The following CCSER1 variants were observed in gnomAD, a reference collection of about 807,000 sequenced individuals.
CCSER1 encodes serine-rich coiled-coil domain-containing protein 1.
A neutral mutation model predicts 82.0 loss-of-function variants in CCSER1; 41 were observed. The observed-to-expected ratio is 0.50, with a 90% confidence interval of 0.39 to 0.65. The LOEUF is 0.65. CCSER1 is among the 30% of genes least tolerant of loss of function. The pLI is 0.00. For missense variants in CCSER1, 1,119 were observed against 1,064.2 expected, an observed-to-expected ratio of 1.05 and a Z score of -0.72; for synonymous variants, 414 against 383.9, an observed-to-expected ratio of 1.08 and a Z score of -0.92.
intron 8 of CCSER1, among the ~76,000 whole-genome samples, chr4:90,871,362 A>T (rs1316598833): frequency 6.6e-6 from 1 of 151,740 alleles, no homozygotes; most frequent in Non-Finnish European, 1.5e-5. Flanking sequence ...AGATGTTGGT[A>T]TGTTGATCCA....
At chr4:90,500,921 A>G (rs1326929093) in intron 5 of CCSER1, among the ~76,000 whole-genome samples, 1 of 152,048 alleles carries the variant, frequency 6.6e-6, no homozygotes, top group African/African-American at 2.4e-5. Flanking sequence ...AAGGAAAATA[A>G]AATAAAATTC....
At chr4:91,006,742 T>C (rs1002893200) in intron 9 of CCSER1, among the ~76,000 whole-genome samples, 6 of 152,094 alleles carry the variant, frequency 3.9e-5, no homozygotes, top group Admixed American at 1.3e-4. Flanking sequence ...CCACCCGCCT[T>C]GGCCTCCCAA....
intron 5 of CCSER1, among the ~76,000 whole-genome samples, chr4:90,560,309 G>A (rs1778618364): frequency 1.3e-5 from 2 of 151,804 alleles, no homozygotes; most frequent in African/African-American, 2.4e-5. Flanking sequence ...ATCAGATTAA[G>A]GAAATGTAGA....
chr4:91,091,664 G>T (rs1723972311), intron 10 of CCSER1, among the ~76,000 whole-genome samples: 1 of 152,186 alleles, frequency 6.6e-6, no homozygotes, highest in Non-Finnish European at 1.5e-5. Flanking sequence ...GATTGTCTAG[G>T]CTTGGTTTGG....
rs145857395 is a variant in CCSER1, at chr4:91,460,176, A to G, written c.2218-138396A>G. ...AATTTGTCTTTAATTTGCAAACAAA[A>G]AAATTTACATGTGTTCTAAATAAAC... On this transcript the variant is annotated intron_variant, in intron 10 of 10. Transcript: ENST00000509176. 5.3e-4 allele frequency among the ~76,000 whole-genome samples: 81 copies of G among 152,320 alleles called. 1 individual carries two copies. In the East Asian group the frequency reaches 0.016, roughly 29 times the overall value.
intron 8 of CCSER1, among the ~76,000 whole-genome samples, chr4:90,817,529 C>G (rs72879411): frequency 0.02 from 3,049 of 152,076 alleles, 81 homozygotes; most frequent in African/African-American, 0.063. Flanking sequence ...TTGAATTACT[C>G]AAATTGGCTA....
At chr4:91,130,875 A>G (rs892675998) in intron 10 of CCSER1, among the ~76,000 whole-genome samples, 1 of 151,778 alleles carries the variant, frequency 6.6e-6, no homozygotes, top group African/African-American at 2.4e-5. Context: ...TTAATTAAAT[A>G]TATTATTTAG....
chr4:91,256,298 G>A (rs57373593), intron 10 of CCSER1, among the ~76,000 whole-genome samples: 38,503 of 151,994 alleles, frequency 0.25, 5,011 homozygotes, highest in South Asian at 0.38. Flanking sequence ...CTCTGCTCTC[G>A]AACCCTGTTA....
At chr4:91,136,183 C>T (rs1210706435) in intron 10 of CCSER1, among the ~76,000 whole-genome samples, 2 of 152,172 alleles carry the variant, frequency 1.3e-5, no homozygotes, top group Admixed American at 1.3e-4. Context: ...ACATCAACTT[C>T]TCACAGCAGC....
At chr4:90,947,132 G>A (rs1034501788) in intron 9 of CCSER1, among the ~76,000 whole-genome samples, 1 of 152,142 alleles carries the variant, frequency 6.6e-6, no homozygotes, top group Admixed American at 6.5e-5. Context: ...CAAGTCACAT[G>A]ATCACAGGTA....
intron 5 of CCSER1, among the ~76,000 whole-genome samples, chr4:90,473,572 C>T (rs936032486): frequency 6.6e-6 from 1 of 152,150 alleles, no homozygotes; most frequent in South Asian, 2.1e-4. Flanking sequence ...GTACAAACGT[C>T]TCATTTTTAA....
chr4:90,567,609 A>AT (rs34322120), intron 5 of CCSER1, among the ~76,000 whole-genome samples: 7,570 of 123,610 alleles, frequency 0.061, 545 homozygotes, highest in African/African-American at 0.18. Context: ...TTTTTTAATG[A>AT]TTTTTTTTTT....
At chr4:91,277,900 T>G (rs1322183677) in intron 10 of CCSER1, among the ~76,000 whole-genome samples, 2 of 152,032 alleles carry the variant, frequency 1.3e-5, no homozygotes, top group East Asian at 3.9e-4. Context: ...ATCTTTTCAA[T>G]AAATTATTTT....
intron 10 of CCSER1, among the ~76,000 whole-genome samples, chr4:91,166,534 G>A (rs962501589): frequency 6.6e-6 from 1 of 152,168 alleles, no homozygotes; most frequent in African/African-American, 2.4e-5. Flanking sequence ...TTTTTAAAAT[G>A]TTGTTTAAGA....
At chr4:91,330,391 G>T (rs1194879641) in intron 10 of CCSER1, among the ~76,000 whole-genome samples, 1 of 152,110 alleles carries the variant, frequency 6.6e-6, no homozygotes, top group African/African-American at 2.4e-5. Flanking sequence ...CGATCACTGT[G>T]GCAAATGTGG....
rs36091173 is a variant in CCSER1 at position 91,574,256 on chromosome 4, G to GA, written c.2218-24305dup. Among the ~76,000 whole-genome samples the GA allele has an allele frequency of 8.6e-4, 129 of 150,210 alleles. 2 individuals carry two copies. The South Asian group carries it at 0.012, about 14-fold the overall frequency. On this transcript the variant is annotated intron_variant, in intron 10 of 10. Coordinates refer to ENST00000509176, the MANE Select transcript of CCSER1 (RefSeq NM_001145065.2). ...AAAAACAGATGCTACTGAGGTTCTGGAAAAAAAAAAATGAATGCTTATACA... is the reference window on the plus strand; with the variant it reads ...AAAAACAGATGCTACTGAGGTTCTGGAAAAAAAAAAAATGAATGCTTATACA...
intron 10 of CCSER1, among the ~76,000 whole-genome samples, chr4:91,434,722 A>G (rs188349637): frequency 6.6e-6 from 1 of 152,274 alleles, no homozygotes; most frequent in Admixed American, 6.5e-5. Flanking sequence ...AATAGAGACT[A>G]AGAGTATTGA....
At chr4:91,364,060 A>G (rs529543587) in intron 10 of CCSER1, among the ~76,000 whole-genome samples, 3 of 147,330 alleles carry the variant, frequency 2.0e-5, no homozygotes, top group Non-Finnish European at 4.6e-5. Flanking sequence ...GAAAGTATAC[A>G]TTATTGTAAG....
rs553099041 is a variant in CCSER1 at position 90,685,157 on chromosome 4, A to G, written c.1933-38757A>G. Among the ~76,000 whole-genome samples the G allele has an allele frequency of 2.4e-4, 37 of 152,228 alleles. 2 individuals are homozygous for G. In the South Asian group the frequency reaches 7.3e-3, roughly 30 times the overall value. ...TAGAATGAGCTTCAGGCATATAACA[A>G]TCTGTGGCTAGTCATATCATCTAGA... On this transcript the variant is annotated intron_variant, in intron 6 of 10. Transcript: ENST00000509176.
Sources: allele counts gnomAD v4.1 joint callset (sites outside exome capture counted in the v4.1 genomes callset), GRCh38; gene constraint gnomAD v4.1.1; transcripts MANE v1.5; gene names NCBI Gene and HGNC (gene_info 2026-07-23, HGNC 2026-07-21).